NFATC1: variants seen among roughly 807,000 people sequenced by gnomAD.
NFATC1 encodes the protein nuclear factor of activated T-cells, cytoplasmic 1.
A neutral mutation model predicts 76.0 loss-of-function variants in NFATC1; 22 were observed. The ratio of observed to expected loss-of-function variants is 0.29; its 90% CI spans 0.21 to 0.41. The LOEUF (loss-of-function observed/expected upper bound fraction) is 0.41, where lower values mean the gene tolerates loss of function less well. Ranked by LOEUF, NFATC1 falls within the 10% of genes least tolerant of loss-of-function variation. NFATC1 has a pLI of 1.00. For missense variants in NFATC1, 1,357 were observed against 1,337.7 expected (o/e 1.01, Z -0.23); for synonymous variants, 704 against 613.1 (o/e 1.15, Z -2.19).
intron 1 of NFATC1, chr18:79,400,274 G>C (rs1247102521): frequency 9.0e-7 from 1 of 1,108,898 alleles, no homozygotes; most frequent in Non-Finnish European, 1.1e-6. Context: ...GGGGCGGGGC[G>C]GGGACGGGGG....
intron 2 of NFATC1, among the ~76,000 whole-genome samples, chr18:79,431,701 T>C (rs987724317): frequency 1.3e-5 from 2 of 151,884 alleles, no homozygotes; most frequent in Non-Finnish European, 2.9e-5. Context: ...TTGTTTTTGT[T>C]GTTGTTTGTT....
chr18:79,521,784 CACT>C (rs2090591591), intron 9 of NFATC1, among the ~76,000 whole-genome samples: 1 of 14,728 alleles, frequency 6.8e-5, no homozygotes. Flanking sequence ...GGGGAGCATC[CACT>C]GATGTGTATG....
chr18:79,479,065 G>C (rs987556050), intron 8 of NFATC1, among the ~76,000 whole-genome samples: 3 of 152,242 alleles, frequency 2.0e-5, no homozygotes, highest in African/African-American at 7.2e-5. Flanking sequence ...CTGCTCTGTG[G>C]GAATATGCTT....
At chr18:79,435,605 C>G (rs1338941132) in intron 3 of NFATC1, among the ~76,000 whole-genome samples, 1 of 152,182 alleles carries the variant, frequency 6.6e-6, no homozygotes, top group African/African-American at 2.4e-5. Flanking sequence ...CCTGCGTCTT[C>G]TGGAATCTTC....
At chr18:79,513,339 G>C (rs1472971001) in intron 9 of NFATC1, among the ~76,000 whole-genome samples, 1 of 152,152 alleles carries the variant, frequency 6.6e-6, no homozygotes, top group Non-Finnish European at 1.5e-5. Context: ...AGGCTCCCGG[G>C]TCAGCACACG....
intron 1 of NFATC1, among the ~76,000 whole-genome samples, chr18:79,396,925 C>A (rs946959947): frequency 6.6e-6 from 1 of 152,180 alleles, no homozygotes; most frequent in South Asian, 2.1e-4. Flanking sequence ...GCGGCCGCAG[C>A]ACAGCCCCGA....
At chr18:79,526,805 G>C (rs2090777410) in intron 9 of NFATC1, among the ~76,000 whole-genome samples, 1 of 152,252 alleles carries the variant, frequency 6.6e-6, no homozygotes, top group African/African-American at 2.4e-5. Context: ...GGCCTTTGCA[G>C]AAACACGTGG....
rs1461224334 is a variant in NFATC1 at position 79,465,657 on chromosome 18, C to T, written c.1960-1793C>T. ...TATTTCAGTCTCGGCTTCCATGAGA[C>T]GTTTCCTTCTTGTCTCTTCCCTCAG... On this transcript the variant is annotated intron_variant, in intron 7 of 9. Transcript: ENST00000427363. This position sits in a 1 kb window ranked among gnomAD's most constrained non-coding sequence, Gnocchi z 4.2. Among the ~76,000 whole-genome samples the T allele has an allele frequency of 2.6e-5, 4 of 152,254 alleles. No individual in the cohort carries two copies. The highest frequency in any genetic ancestry group is 1.9e-4 in the East Asian group (1 of 5,204).
chr18:79,469,775 T>C, intron 8 of NFATC1: 1 of 985,376 alleles, frequency 1.0e-6, no homozygotes, highest in Non-Finnish European at 1.2e-6. Flanking sequence ...CCATAGTCCC[T>C]GGGTGACCAT....
chr18:79,476,801 A>T (rs2089091467), intron 8 of NFATC1, among the ~76,000 whole-genome samples: 2 of 152,160 alleles, frequency 1.3e-5, no homozygotes, highest in Non-Finnish European at 2.9e-5. Context: ...GCCTCCACGG[A>T]GCTGCAGTTT....
At chr18:79,461,041 G>A (rs112903301) in intron 6 of NFATC1, among the ~76,000 whole-genome samples, 6 of 152,202 alleles carry the variant, frequency 3.9e-5, no homozygotes, top group Non-Finnish European at 7.3e-5. Flanking sequence ...TCCCTCCTAC[G>A]CCGGGCTGGG....
intron 2 of NFATC1, among the ~76,000 whole-genome samples, chr18:79,416,256 T>TA (rs1455754675): frequency 1.3e-5 from 2 of 152,250 alleles, no homozygotes; most frequent in Non-Finnish European, 2.9e-5. Context: ...TAAGATCAGC[T>TA]AACCCCCAGC....
At chr18:79,447,709 TGCTTGCTTTGAGAATCAAAC>T (rs1301697029) in intron 3 of NFATC1, among the ~76,000 whole-genome samples, 1 of 152,270 alleles carries the variant, frequency 6.6e-6, no homozygotes, top group African/African-American at 2.4e-5. Flanking sequence ...AAGGCCTTTG[TGCTTGCTTTGAGAATCAAAC>T]GTTCCTGTTC....
At chr18:79,435,656 C>G (rs1175533026) in intron 3 of NFATC1, among the ~76,000 whole-genome samples, 5 of 152,300 alleles carry the variant, frequency 3.3e-5, no homozygotes, top group East Asian at 1.9e-4. Flanking sequence ...GTGTCTTGGG[C>G]TGAGGGTGCA....
chr18:79,483,541 T>G (rs1191780999), intron 8 of NFATC1, among the ~76,000 whole-genome samples: 1 of 122,460 alleles, frequency 8.2e-6, no homozygotes, highest in Non-Finnish European at 1.7e-5. Flanking sequence ...GGGGTGTCAC[T>G]CCGGCGTGAC....
rs374612563 is a variant in NFATC1 at position 79,445,444 on chromosome 18, C to T, written c.1387-3338C>T. On this transcript the variant is annotated intron_variant, in intron 3 of 9. Coordinates refer to ENST00000427363, the MANE Select transcript of NFATC1 (RefSeq NM_001278669.2). The stretch of plus-strand genomic sequence containing the variant: ...ACTCTCCTGCCTGGTTCCCTGGCCC[C>T]GGGCCCAGCCCTGAGAGACGCACCA... 1.8e-4 allele frequency among the ~76,000 whole-genome samples: 28 copies of T among 152,314 alleles called. 1 individual carries two copies. The East Asian group carries it at 4.4e-3, about 24-fold the overall frequency.
At position 79,464,704 on chromosome 18, in the gene NFATC1, TTA is replaced by T. The variant is rs1491381221; in HGVS notation, c.1960-2744_1960-2743del. On this transcript the variant is annotated intron_variant, in intron 7 of 9. Coordinates refer to ENST00000427363, the MANE Select transcript of NFATC1 (RefSeq NM_001278669.2). ...TGTGTATATATATATATTTATTTATTTATTTATTTTTTTTTTTTTGAGACAGG... is the reference window on the plus strand; with the variant it reads ...TGTGTATATATATATATTTATTTATTTTTATTTTTTTTTTTTTGAGACAGG... Among the ~76,000 whole-genome samples the T allele has an allele frequency of 8.8e-3, 669 of 76,128 alleles. 75 individuals carry two copies. The highest frequency in any genetic ancestry group is 0.012 in the Admixed American group (98 of 7,912). 49.9% of individuals were successfully genotyped at this position (76,128 alleles called of 152,430 possible).
At chr18:79,400,230 T>A (rs2085143075) in intron 1 of NFATC1, 7 of 1,198,448 alleles carry the variant, frequency 5.8e-6, no homozygotes, top group Non-Finnish European at 7.2e-6. Flanking sequence ...GCGAGCCGGT[T>A]GTTTATGTAA....
chr18:79,526,492 AG>A (rs1039523363), intron 9 of NFATC1, among the ~76,000 whole-genome samples: 2 of 152,118 alleles, frequency 1.3e-5, no homozygotes, highest in Non-Finnish European at 2.9e-5. Context: ...GCGCCATGTC[AG>A]GAGGTGCTGC....
Sources: gnomAD v4.1 joint callset for allele counts (sites outside exome capture counted in the v4.1 genomes callset) on GRCh38, gnomAD v4.1.1 for gene constraint, Gnocchi (gnomAD v3.1) non-coding constraint, MANE v1.5 for transcripts, NCBI Gene and HGNC (gene_info 2026-07-23, HGNC 2026-07-21) for gene names.